HOXA5: variants seen among roughly 807,000 people sequenced by gnomAD.
The protein encoded by HOXA5 is homeobox A5.
HOXA5 carries 12 observed loss-of-function variants against 20.0 expected under a neutral mutation model. The ratio of observed to expected loss-of-function variants is 0.60; its 90% CI spans 0.38 to 0.97. The LOEUF (loss-of-function observed/expected upper bound fraction) is 0.97, where lower values mean the gene tolerates loss of function less well. Among genes scored for constraint, HOXA5 ranks in the 50% least tolerant of loss-of-function variants. HOXA5 has a pLI of 0.00. For missense variants in HOXA5, 352 were observed against 380.3 expected, an observed-to-expected ratio of 0.93 and a Z score of 0.62; for synonymous variants, 159 against 157.7, an observed-to-expected ratio of 1.01 and a Z score of -0.06.
intron 1 of HOXA5, 31 bp from the exon 2 acceptor site, chr7:27,142,116 C>T: frequency 6.2e-7 from 1 of 1,600,852 alleles, no homozygotes; most frequent in Non-Finnish European, 8.5e-7. Flanking sequence ...GTTTAGCCAC[C>T]AACTCCTGTC....
chr7:27,142,048 C>G lies in HOXA5; in HGVS notation c.600G>C (p.Thr200=). 1 of 1,614,052 alleles carries G rather than the reference C, an allele frequency of 6.2e-7. No individual in the cohort carries two copies. The highest frequency in any genetic ancestry group is 8.5e-7 in the Non-Finnish European group (1 of 1,180,008). ...CCAGGGTCTGGTAGCGCGTGTAGGC[C>G]GTCCGGGCCCTTTTGCCTTCCGGGC... ...IGGPEGKRAR[T]AYTRYQTLEL... is the part of the protein sequence containing the mutation. Residue 200 remains threonine, a synonymous_variant, in exon 2 of 2, where the codon ACG becomes ACC. Coordinates refer to ENST00000222726, the MANE Select transcript of HOXA5 (RefSeq NM_019102.4).
Position 27,141,708 on chromosome 7 carries a change from A to T in HOXA5, c.*127T>A. The stretch of plus-strand genomic sequence containing the variant: ...CAATAAACAGGCTCATGATTAAAAG[A>T]TGAATTAGGGCAACGAGAACAGGGC... On this transcript the variant is annotated 3_prime_UTR_variant, in exon 2 of 2. Transcript: ENST00000222726. The T allele has an allele frequency of 8.4e-7, 1 of 1,196,616 alleles. No homozygotes were observed. Among genetic ancestry groups the T allele is most frequent in the South Asian group, 1.5e-5 (1 of 66,138 alleles). 74.1% of individuals were successfully genotyped at this position (1,196,616 alleles called of 1,614,324 possible). A position where few individuals can be genotyped will look rare whatever the true frequency, so the allele number is the denominator to read the frequency against.
intron 1 of HOXA5, chr7:27,142,743 G>T: frequency 5.2e-6 from 2 of 386,140 alleles, no homozygotes; most frequent in Non-Finnish European, 9.2e-6. Context: ...CGCCTTGCTC[G>T]GCTGGCCTGA....
Position 27,143,552 on chromosome 7 carries a change from T to C in HOXA5, c.56A>G (p.Tyr19Cys). ...ATGATCTCCATAATTATGCAACTGGTAGTCCGGGCCATTTGGATAGCGACC... is the reference window on the plus strand; with the variant it reads ...ATGATCTCCATAATTATGCAACTGGCAGTCCGGGCCATTTGGATAGCGACC... The part of the protein sequence containing the change: ...FCGRYPNGPD[Y>C]QLHNYGDHSS... The change falls in exon 1 of 2, where the codon TAC becomes TGC. Residue 19 changes from tyrosine (Y) to cysteine (C), a missense_variant. Transcript: ENST00000222726. 1 of 1,610,604 alleles carries C rather than the reference T, an allele frequency of 6.2e-7. No individual in the cohort carries two copies. Among genetic ancestry groups the C allele is most frequent in the South Asian group, 1.1e-5 (1 of 90,302 alleles).
Position 27,141,446 on chromosome 7 carries a change from C to A in HOXA5, c.*389G>T. On this transcript the variant is annotated 3_prime_UTR_variant, in exon 2 of 2. Transcript: ENST00000222726. ...GGAGCTATTGAGACAGGAACACTTC[C>A]ACGCACATGCACAGTTAAACAACTT... 5.6e-6 allele frequency: 1 copy of A among 177,290 alleles called. No individual in the cohort carries two copies. Among genetic ancestry groups the A allele is most frequent in the South Asian group, 1.3e-4 (1 of 7,618 alleles). The allele number at this position is 177,290 out of a possible 1,614,324, so 11.0% of individuals were successfully genotyped here.
intron 1 of HOXA5, among the ~76,000 whole-genome samples, chr7:27,142,479 C>A (rs1334140401): frequency 6.6e-6 from 1 of 152,226 alleles, no homozygotes; most frequent in Non-Finnish European, 1.5e-5. Flanking sequence ...CCTCAAAGTT[C>A]CAGCCCCGAG....
At chr7:27,142,952 C>T (rs1385520566) in intron 1 of HOXA5, 94 bp downstream of exon 1, 14 of 1,201,394 alleles carry the variant, frequency 1.2e-5, no homozygotes, top group Non-Finnish European at 1.6e-5. Flanking sequence ...AGAAATGAGA[C>T]CAAGAGAGAC....
chr7:27,143,104 C>G lies in HOXA5; in HGVS notation c.504G>C (p.Pro168=). ...EQASAQSEPS[P]APPAQPQIYP... The stretch of plus-strand genomic sequence containing the variant: ...AGATCTGGGGTTGGGCGGGCGGCGC[C>G]GGGCTCGGCTCGCTCTGCGCACTCG... The change falls in exon 1 of 2, where the codon CCG becomes CCC. Residue 168 remains proline, a synonymous_variant. Coordinates refer to ENST00000222726, the MANE Select transcript of HOXA5 (RefSeq NM_019102.4). 1.9e-6 allele frequency: 3 copies of G among 1,569,764 alleles called. No homozygotes were observed. Among genetic ancestry groups the G allele is most frequent in the Non-Finnish European group, 2.6e-6 (3 of 1,163,230 alleles).
At chr7:27,142,715 C>A in intron 1 of HOXA5, 1 of 332,124 alleles carries the variant, frequency 3.0e-6, no homozygotes, top group African/African-American at 2.1e-5. Context: ...GCTGCTACAG[C>A]CATCCTCTAC....
rs535686511 is a variant in HOXA5, at chr7:27,143,088, G to C, written c.520C>G (p.Pro174Ala). The change falls in exon 1 of 2, where the codon CCC becomes GCC. Residue 174 changes from proline (P) to alanine (A), a missense_variant. Physicochemically the swap from Pro to Ala is conservative, Grantham distance 27 (BLOSUM62 -1). Around this residue, in one of 3 missense-constraint regions of HOXA5, gnomAD observed 319 missense variants for 336.5 expected, o/e 0.95. Coordinates refer to ENST00000222726, the MANE Select transcript of HOXA5 (RefSeq NM_019102.4). ...SEPSPAPPAQ[P>A]QIYPWMRKLH... ...TTGCGCATCCAGGGGTAGATCTGGG[G>C]TTGGGCGGGCGGCGCCGGGCTCGGC... 1.9e-6 allele frequency: 3 copies of C among 1,554,786 alleles called. No individual in the cohort carries two copies. Among genetic ancestry groups the C allele is most frequent in the South Asian group, 2.5e-5 (2 of 80,634 alleles).
chr7:27,141,172 G>A lies in HOXA5; in HGVS notation c.*663C>T, dbSNP rs1403113122. On this transcript the variant is annotated 3_prime_UTR_variant, in exon 2 of 2. Transcript: ENST00000222726. Reference sequence around the variant, plus strand: ...AGTTTGCTTAAAACAGCCAGACTTGGACAATATTTGTAACTTTGTTCACAA... The same window carrying A: ...AGTTTGCTTAAAACAGCCAGACTTGAACAATATTTGTAACTTTGTTCACAA... 6.9e-6 allele frequency: 1 copy of A among 144,710 alleles called. No individual in the cohort carries two copies. The highest frequency in any genetic ancestry group is 2.5e-5 in the African/African-American group (1 of 39,412). The allele number at this position is 144,710 out of a possible 1,614,324, so 9.0% of individuals were successfully genotyped here.
chr7:27,142,142 G>C (rs1782593707), intron 1 of HOXA5, 57 bp from the exon 2 acceptor site: 2 of 1,576,142 alleles, frequency 1.3e-6, no homozygotes, highest in African/African-American at 1.3e-5. Context: ...AAGTCCGCCA[G>C]GGGGACAAGC....
intron 1 of HOXA5, 64 bp downstream of exon 1, chr7:27,142,982 A>G: frequency 7.2e-7 from 1 of 1,395,536 alleles, no homozygotes; most frequent in Non-Finnish European, 9.7e-7. Context: ...GCGGCAGAGA[A>G]GAGAGGGGGG....
intron 1 of HOXA5, 104 bp from the exon 2 acceptor site, chr7:27,142,189 A>G: frequency 7.6e-7 from 1 of 1,309,328 alleles, no homozygotes; most frequent in Non-Finnish European, 1.0e-6. Flanking sequence ...GAAAAGCTCA[A>G]CAAGTTCTGC....
rs780972209 is a variant in HOXA5 at position 27,141,842 on chromosome 7, C to T, written c.806G>A (p.Arg269His). Residue 269 changes from arginine (R) to histidine (H), a missense_variant, in exon 2 of 2, where the codon CGT (arginine) becomes CAT (histidine). Coordinates refer to ENST00000222726, the MANE Select transcript of HOXA5 (RefSeq NM_019102.4). ...CTTTAAACGCTCAGATACTCAGGGA[C>T]GGAAGGCCCCTCCTGCCGCGGCCAT... ...MSMAAAGGAF[R>H]P 6 of 1,613,854 alleles carry T rather than the reference C, an allele frequency of 3.7e-6. No individual in the cohort carries two copies. The highest frequency in any genetic ancestry group is 4.5e-5 in the East Asian group (2 of 44,882).
At chr7:27,142,297 G>A (rs1782599391) in intron 1 of HOXA5, among the ~76,000 whole-genome samples, 1 of 152,180 alleles carries the variant, frequency 6.6e-6, no homozygotes, top group Admixed American at 6.5e-5. Flanking sequence ...CCCATCTGAG[G>A]CTGGGGCCGT....
rs200748640 is a variant in HOXA5 at position 27,143,329 on chromosome 7, C to G, written c.279G>C (p.Thr93=). The change falls in exon 1 of 2, where the codon ACG becomes ACC. Residue 93 remains threonine (T), a synonymous_variant. Coordinates refer to ENST00000222726, the MANE Select transcript of HOXA5 (RefSeq NM_019102.4). ...GCAGCGGATCGGGCTGAGGAGAGTG[C>G]GTGGACGTGGCCGGCTGGCTGTACC... ...EPRYSQPATS[T]HSPQPDPLPC... 531 of 1,595,450 alleles carry G rather than the reference C, an allele frequency of 3.3e-4. 2 individuals carry two copies. The African/African-American group carries it at 6.5e-3, about 20-fold the overall frequency.
At position 27,143,181 on chromosome 7, in the gene HOXA5, C is replaced by A. The variant is rs780424975; in HGVS notation, c.427G>T (p.Val143Phe). 14 of 1,611,190 alleles carry A rather than the reference C, an allele frequency of 8.7e-6. No individual in the cohort carries two copies. In the South Asian group the frequency reaches 1.4e-4, roughly 16 times the overall value. Residue 143 changes from valine (V) to phenylalanine (F), a missense_variant, in exon 1 of 2, where the codon GTT becomes TTT. Val to Phe is a conservative substitution (Grantham distance 50, BLOSUM62 -1). This residue lies in a region of HOXA5 where 319 missense variants were observed against 336.5 expected (regional missense o/e 0.95). Coordinates refer to ENST00000222726, the MANE Select transcript of HOXA5 (RefSeq NM_019102.4). ...TCCTCGGCTCCGGACGCCGTGCCAA[C>A]CCCCTCTCTGCTGCTGATGTGGGTG... Reference protein sequence around the residue: ...GSTHISSREGVGTASGAEEDA... With the variant: ...GSTHISSREGFGTASGAEEDA...
Position 27,143,610 on chromosome 7 carries a change from G to GT in HOXA5, c.-4dup. On this transcript the variant is annotated 5_prime_UTR_variant, in exon 1 of 2. Transcript: ENST00000222726. Reference sequence around the variant, plus strand: ...GAGTTTACAAAATAAGAGCTCATTTGTTTTTTGATATGTGTGCTTGATTTG... The same window carrying GT: ...GAGTTTACAAAATAAGAGCTCATTTGTTTTTTTGATATGTGTGCTTGATTTG... The GT allele has an allele frequency of 6.3e-7, 1 of 1,589,772 alleles. No homozygotes were observed. Among genetic ancestry groups the GT allele is most frequent in the Admixed American group, 1.7e-5 (1 of 57,394 alleles).
Sources: gnomAD v4.1 joint callset for allele counts (sites outside exome capture counted in the v4.1 genomes callset) on GRCh38, gnomAD v4.1.1 for gene constraint, gnomAD v4.1.1 regional missense constraint, MANE v1.5 for transcripts, NCBI Gene and HGNC (gene_info 2026-07-23, HGNC 2026-07-21) for gene names.